The following RAPGEF4 variants were observed in gnomAD, a reference collection of about 807,000 sequenced individuals.
RAPGEF4 encodes Rap guanine nucleotide exchange factor 4.
In RAPGEF4, 66 loss-of-function variants were observed where a neutral mutation model predicts 147.9. The ratio of observed to expected loss-of-function variants is 0.45; its 90% CI spans 0.37 to 0.55. The LOEUF (loss-of-function observed/expected upper bound fraction) is 0.55, where lower values mean the gene tolerates loss of function less well. Among genes scored for constraint, RAPGEF4 ranks in the 20% least tolerant of loss-of-function variants. The pLI, the probability that RAPGEF4 is intolerant of heterozygous loss-of-function variation, is 0.00. For synonymous variants in RAPGEF4, 419 were observed against 442.7 expected (o/e 0.95, Z 0.67); for missense variants, 1,071 against 1,257.3 (o/e 0.85, Z 2.24).
chr2:172,996,725 G>A (rs539548853), intron 16 of RAPGEF4, among the ~76,000 whole-genome samples, 171 bp downstream of exon 16: 1 of 152,282 alleles, frequency 6.6e-6, no homozygotes, highest in African/African-American at 2.4e-5. Flanking sequence ...CCTTCTGACT[G>A]TCGTCTTCCC....
chr2:173,014,504 A>G lies in RAPGEF4; in HGVS notation c.1699A>G (p.Met567Val). 1.2e-6 allele frequency: 2 copies of G among 1,614,054 alleles called. No homozygotes were observed. The highest frequency in any genetic ancestry group is 1.7e-6 in the Non-Finnish European group (2 of 1,179,978). Residue 567 changes from methionine to valine, a missense_variant, in exon 18 of 31, where the codon ATG (methionine) becomes GTG (valine). Coordinates refer to ENST00000397081, the MANE Select transcript of RAPGEF4 (RefSeq NM_007023.4). ...QPSQGTEQEK[M>V]DYALNNKRRV... ...TTCACAAGGTACAGAACAGGAGAAA[A>G]TGGATTATGCCCTCAACAATAAGAG...
At chr2:172,936,068 A>C (rs970161638) in intron 6 of RAPGEF4, among the ~76,000 whole-genome samples, 1 of 152,174 alleles carries the variant, frequency 6.6e-6, no homozygotes, top group Non-Finnish European at 1.5e-5. Context: ...CTTATGTTGA[A>C]TATTTGGAAA....
chr2:172,743,522 A>G (rs1694492813), intron 1 of RAPGEF4, among the ~76,000 whole-genome samples: 1 of 152,106 alleles, frequency 6.6e-6, no homozygotes, highest in African/African-American at 2.4e-5. Flanking sequence ...GACCAGATGT[A>G]TTTTTGTCTG....
chr2:172,881,014 A>G (rs1024135424), intron 4 of RAPGEF4, among the ~76,000 whole-genome samples: 11 of 152,296 alleles, frequency 7.2e-5, no homozygotes, highest in South Asian at 2.1e-4. Flanking sequence ...AATGGCTTCT[A>G]TTTCCTGAAA....
intron 4 of RAPGEF4, among the ~76,000 whole-genome samples, chr2:172,872,850 G>A (rs6747569): frequency 0.012 from 1,757 of 152,208 alleles, 50 homozygotes; most frequent in African/African-American, 0.04. Context: ...AGCAGTGAGA[G>A]AATGGCCTAA....
At chr2:173,048,320 A>T in intron 29 of RAPGEF4, 1 of 494,980 alleles carries the variant, frequency 2.0e-6, no homozygotes, top group Non-Finnish European at 3.2e-6. Context: ...GTACAGTCTC[A>T]GGCATGATAG....
Position 172,959,046 on chromosome 2 carries a change from AT to A in RAPGEF4, c.538-1711del, listed in dbSNP as rs200895260. ...ATTTATTTTCACTGTAATGGCTTCT[AT>A]TTGCAAACAGTAGGGTTTTTAGTAC... On this transcript the variant is annotated intron_variant, in intron 6 of 30. Coordinates refer to ENST00000397081, the MANE Select transcript of RAPGEF4 (RefSeq NM_007023.4). Among the ~76,000 whole-genome samples the A allele has an allele frequency of 6.1e-3, 925 of 152,320 alleles. 14 individuals carry two copies. The highest frequency in any genetic ancestry group is 0.021 in the African/African-American group (882 of 41,566).
intron 4 of RAPGEF4, among the ~76,000 whole-genome samples, chr2:172,871,515 A>G (rs369784911): frequency 1.1e-3 from 169 of 152,198 alleles, no homozygotes; most frequent in Non-Finnish European, 2.1e-3. Flanking sequence ...CGTTGAGTAA[A>G]TCACTTAACC....
intron 29 of RAPGEF4, among the ~76,000 whole-genome samples, chr2:173,040,287 C>T (rs1259772902): frequency 6.6e-6 from 1 of 152,130 alleles, no homozygotes; most frequent in Non-Finnish European, 1.5e-5. Context: ...AAGCAAGGTG[C>T]ATGTTGCCAG....
intron 22 of RAPGEF4, among the ~76,000 whole-genome samples, chr2:173,019,023 G>A (rs913553486): frequency 1.3e-5 from 2 of 152,212 alleles, no homozygotes; most frequent in Admixed American, 1.3e-4. Context: ...AAGGTGACTG[G>A]AACTGAGGAC....
chr2:172,924,420 A>G (rs1685067716), intron 6 of RAPGEF4, among the ~76,000 whole-genome samples: 1 of 152,212 alleles, frequency 6.6e-6, no homozygotes, highest in African/African-American at 2.4e-5. Context: ...GTTGTTCTGA[A>G]AGATCTGGGG....
chr2:172,972,130 C>T (rs1427523006), intron 10 of RAPGEF4, among the ~76,000 whole-genome samples: 4 of 152,122 alleles, frequency 2.6e-5, no homozygotes, highest in African/African-American at 9.7e-5. Context: ...AATTGGCTGC[C>T]CTAATGCAAG....
chr2:172,931,902 A>G (rs938367267), intron 6 of RAPGEF4, among the ~76,000 whole-genome samples: 2 of 152,134 alleles, frequency 1.3e-5, no homozygotes, highest in African/African-American at 4.8e-5. Flanking sequence ...ATTCAATAAT[A>G]TAGTCTCTTA....
rs372827002 is a variant in RAPGEF4, at chr2:173,018,737, G to A, written c.2090G>A (p.Ser697Asn). The change falls in exon 22 of 31, where the codon AGT (serine) becomes AAT (asparagine). Residue 697 changes from serine to asparagine, a missense_variant. Transcript: ENST00000397081. ...PVATSVKEVI[S>N]AVADKLGSGE... ...GCCACTTCGGTGAAGGAAGTCATCA[G>A]TGCAGTTGCCGACAAGCTGGGCTCC... The A allele has an allele frequency of 2.1e-5, 34 of 1,614,018 alleles. No homozygotes were observed. The highest frequency in any genetic ancestry group is 2.8e-5 in the Non-Finnish European group (33 of 1,180,034).
rs74661419 is a variant in RAPGEF4, at chr2:172,777,366, A to T, written c.66-17659A>T. ...GTACTGGAGATACAATAGTTATTTA[A>T]AAAAAAAACCCTGCTTTTATGGAGC... On this transcript the variant is annotated intron_variant, in intron 1 of 30. Transcript: ENST00000397081. Among the ~76,000 whole-genome samples the T allele has an allele frequency of 3.0e-4, 46 of 151,462 alleles. No individual in the cohort carries two copies. In the East Asian group the frequency reaches 5.6e-3, roughly 18 times the overall value.
chr2:172,935,532 C>A (rs373385976), intron 6 of RAPGEF4, among the ~76,000 whole-genome samples: 1 of 152,146 alleles, frequency 6.6e-6, no homozygotes, highest in Non-Finnish European at 1.5e-5. Context: ...AAAAACTGCC[C>A]CCTTCGATTG....
chr2:172,737,454 T>A (rs909869538), intron 1 of RAPGEF4, among the ~76,000 whole-genome samples: 1 of 25,900 alleles, frequency 3.9e-5, no homozygotes, highest in Non-Finnish European at 1.9e-4. Flanking sequence ...GCAAAATTTT[T>A]AGATAATAAC....
chr2:173,031,802 C>T (rs1313095327), intron 26 of RAPGEF4, among the ~76,000 whole-genome samples: 1 of 152,086 alleles, frequency 6.6e-6, no homozygotes, highest in Non-Finnish European at 1.5e-5. Flanking sequence ...GGAAATTATC[C>T]TTTCATCATT....
intron 1 of RAPGEF4, among the ~76,000 whole-genome samples, chr2:172,770,881 G>T (rs892683797): frequency 1.3e-5 from 2 of 152,100 alleles, no homozygotes; most frequent in Non-Finnish European, 2.9e-5. Context: ...TTGGGGACAT[G>T]GATCAGTTTA....
Sources: allele counts gnomAD v4.1 joint callset (sites outside exome capture counted in the v4.1 genomes callset), GRCh38; gene constraint gnomAD v4.1.1; transcripts MANE v1.5; gene names NCBI Gene and HGNC (gene_info 2026-07-23, HGNC 2026-07-21).